GRM1: variants seen among roughly 807,000 people sequenced by gnomAD.
GRM1 encodes the protein metabotropic glutamate receptor 1.
GRM1 carries 33 observed loss-of-function variants against 90.9 expected under a neutral mutation model. The observed-to-expected ratio is 0.36, with a 90% CI of 0.28 to 0.49. The LOEUF is 0.49. Among genes scored for constraint, GRM1 ranks in the 20% least tolerant of loss-of-function variants. The pLI is 0.99. For missense variants in GRM1, 1,190 were observed against 1,534.3 expected (o/e 0.78, Z 3.75); for synonymous variants, 700 against 613.2 (o/e 1.14, Z -2.09).
chr6:146,271,297 C>T (rs1166414354), intron 2 of GRM1, among the ~76,000 whole-genome samples: 1 of 152,030 alleles, frequency 6.6e-6, no homozygotes, highest in Non-Finnish European at 1.5e-5. Context: ...AGCCACTGTG[C>T]CCGGCCAGAG....
intron 3 of GRM1, among the ~76,000 whole-genome samples, chr6:146,312,180 A>C (rs1783794545): frequency 2.0e-5 from 3 of 151,710 alleles, no homozygotes; most frequent in African/African-American, 7.3e-5. Flanking sequence ...TCTCTACTAA[A>C]AACACAAAAA....
intron 2 of GRM1, among the ~76,000 whole-genome samples, chr6:146,293,316 A>G (rs1378936664): frequency 6.6e-6 from 1 of 152,050 alleles, no homozygotes; most frequent in African/African-American, 2.4e-5. Context: ...TTTTAAAAAA[A>G]CAATGGAGAG....
At chr6:146,047,575 GA>G (rs5880663) in intron 1 of GRM1, among the ~76,000 whole-genome samples, 132,849 of 139,208 alleles carry the variant, frequency 0.95, 63,383 homozygotes, top group East Asian at 0.99. Flanking sequence ...CATGCCTCAG[GA>G]AAAAAAAAAA....
intron 3 of GRM1, among the ~76,000 whole-genome samples, chr6:146,342,164 G>T (rs1373214123): frequency 6.6e-6 from 1 of 152,172 alleles, no homozygotes; most frequent in Non-Finnish European, 1.5e-5. Context: ...ACTTTTAGTG[G>T]TGAGCTTCTT....
Position 146,435,039 on chromosome 6 carries a change from A to G in GRM1, c.*243A>G. The stretch of plus-strand genomic sequence containing the variant: ...GAATTACTCGAAGCCTTCTCTGGGA[A>G]GAAAGGGAATTCTGACAAAGCACAA... On this transcript the variant is annotated 3_prime_UTR_variant, in exon 8 of 8. Transcript: ENST00000282753. 3.3e-6 allele frequency: 2 copies of G among 597,848 alleles called. No individual in the cohort carries two copies. The highest frequency in any genetic ancestry group is 6.0e-6 in the Non-Finnish European group (2 of 335,668). The allele number at this position is 597,848 out of a possible 1,614,324, so 37.0% of individuals were successfully genotyped here.
intron 4 of GRM1, among the ~76,000 whole-genome samples, chr6:146,353,949 T>C (rs1785495326): frequency 6.6e-6 from 1 of 152,116 alleles, no homozygotes; most frequent in Non-Finnish European, 1.5e-5. Flanking sequence ...CTTCTTAATG[T>C]CATTTCAGAA....
At chr6:146,200,429 T>C (rs181867922) in intron 2 of GRM1, among the ~76,000 whole-genome samples, 1 of 152,338 alleles carries the variant, frequency 6.6e-6, no homozygotes, top group Admixed American at 6.5e-5. Flanking sequence ...GCCTTTGTGC[T>C]CACACCAGGC....
chr6:146,343,098 C>T (rs1380078625), intron 3 of GRM1, among the ~76,000 whole-genome samples: 1 of 152,030 alleles, frequency 6.6e-6, no homozygotes, highest in East Asian at 1.9e-4. Flanking sequence ...ATATCTTTGA[C>T]AGTTTGTAGA....
chr6:146,138,889 T>C (rs1424812108), intron 1 of GRM1, among the ~76,000 whole-genome samples: 1 of 152,142 alleles, frequency 6.6e-6, no homozygotes, highest in Non-Finnish European at 1.5e-5. Flanking sequence ...TTGCTCTTGT[T>C]TTCTAGTTCT....
At chr6:146,354,935 TA>T in intron 4 of GRM1, among the ~76,000 whole-genome samples, 1 of 151,764 alleles carries the variant, frequency 6.6e-6, no homozygotes, top group Non-Finnish European at 1.5e-5. Flanking sequence ...TGGGACTTTT[TA>T]AAAAAATGTG....
intron 1 of GRM1, among the ~76,000 whole-genome samples, chr6:146,083,638 T>G (rs1776442160): frequency 6.6e-6 from 1 of 152,252 alleles, no homozygotes. Flanking sequence ...GGTTTGCCAG[T>G]ATTTTATTGA....
chr6:146,136,143 T>C (rs1776609925), intron 1 of GRM1, among the ~76,000 whole-genome samples: 1 of 152,240 alleles, frequency 6.6e-6, no homozygotes, highest in Admixed American at 6.5e-5. Flanking sequence ...AGTACTTCAT[T>C]GTGTATATAT....
At chr6:146,407,415 C>T (rs1276844464) in intron 7 of GRM1, among the ~76,000 whole-genome samples, 1 of 152,138 alleles carries the variant, frequency 6.6e-6, no homozygotes, top group Non-Finnish European at 1.5e-5. Flanking sequence ...CAAGTTCTCA[C>T]CTGAGACAGA....
chr6:146,088,370 C>T (rs989597809), intron 1 of GRM1, among the ~76,000 whole-genome samples: 1 of 151,854 alleles, frequency 6.6e-6, no homozygotes, highest in Non-Finnish European at 1.5e-5. Context: ...GGTCATGTGC[C>T]TCATTTTTAA....
chr6:146,317,327 T>C (rs1361771611), intron 3 of GRM1, among the ~76,000 whole-genome samples: 4 of 152,246 alleles, frequency 2.6e-5, no homozygotes, highest in Non-Finnish European at 5.9e-5. Context: ...TGCCTAAACA[T>C]GTAAGCTCAG....
rs1315032134 is a variant in GRM1 at position 146,085,230 on chromosome 6, A to T, written c.700+55013A>T. Among the ~76,000 whole-genome samples, 3 of 152,130 alleles carry T rather than the reference A, an allele frequency of 2.0e-5. No homozygotes were observed. The South Asian group carries it at 6.2e-4, about 31-fold the overall frequency. The stretch of plus-strand genomic sequence containing the variant: ...ATAATATTTTTAAATACAATAGTGC[A>T]TGTTTAAATACATTATAAATAAAAT... On this transcript the variant is annotated intron_variant, in intron 1 of 7. Coordinates refer to ENST00000282753, the MANE Select transcript of GRM1 (RefSeq NM_001278064.2).
chr6:146,282,175 T>G (rs1264890898), intron 2 of GRM1, among the ~76,000 whole-genome samples: 1 of 152,192 alleles, frequency 6.6e-6, no homozygotes, highest in East Asian at 1.9e-4. Flanking sequence ...ACACAGCACC[T>G]TCTGACTAGA....
At chr6:146,071,941 G>A (rs1030582828) in intron 1 of GRM1, among the ~76,000 whole-genome samples, 1 of 152,148 alleles carries the variant, frequency 6.6e-6, no homozygotes, top group Non-Finnish European at 1.5e-5. Flanking sequence ...ACAGCTGAGA[G>A]CTGTCCCAGT....
At chr6:146,109,095 T>G (rs1775440428) in intron 1 of GRM1, among the ~76,000 whole-genome samples, 1 of 152,186 alleles carries the variant, frequency 6.6e-6, no homozygotes, top group East Asian at 1.9e-4. Context: ...AATTCCATTT[T>G]CTGAGGAGAA....
Sources: allele counts gnomAD v4.1 joint callset (sites outside exome capture counted in the v4.1 genomes callset), GRCh38; gene constraint gnomAD v4.1.1; transcripts MANE v1.5; gene names NCBI Gene and HGNC (gene_info 2026-07-23, HGNC 2026-07-21).